The following NTRK3 variants were observed in gnomAD, a reference collection of about 807,000 sequenced individuals.
NTRK3 encodes neurotrophic receptor tyrosine kinase 3.
Under a neutral mutation model 91.7 loss-of-function variants are expected in NTRK3, and 24 were observed. The observed-to-expected ratio is 0.26, with a 90% CI of 0.19 to 0.37. The LOEUF (loss-of-function observed/expected upper bound fraction) is 0.37, where lower values mean the gene tolerates loss of function less well. Among genes scored for constraint, NTRK3 ranks in the 10% least tolerant of loss-of-function variants. The pLI, the probability that NTRK3 is intolerant of heterozygous loss-of-function variation, is 1.00. For synonymous variants in NTRK3, 483 were observed against 404.0 expected (o/e 1.20, Z -2.34); for missense variants, 880 against 1,068.9 (o/e 0.82, Z 2.46).
intron 13 of NTRK3, among the ~76,000 whole-genome samples, chr15:88,122,198 G>A (rs1225333420): frequency 6.6e-6 from 1 of 152,204 alleles, no homozygotes; most frequent in Admixed American, 6.5e-5. Flanking sequence ...ATGTCTGTGT[G>A]TCTACATATG....
chr15:88,005,346 T>G (rs2141679290), intron 14 of NTRK3, among the ~76,000 whole-genome samples: 1 of 152,310 alleles, frequency 6.6e-6, no homozygotes, highest in African/African-American at 2.4e-5. Flanking sequence ...CTAGGATGCC[T>G]GTGTTAAGAC....
At chr15:88,200,948 G>A (rs936186247) in intron 3 of NTRK3, among the ~76,000 whole-genome samples, 2 of 152,154 alleles carry the variant, frequency 1.3e-5, no homozygotes, top group Non-Finnish European at 2.9e-5. Context: ...ACAATGCAGC[G>A]AGCACACCAT....
Position 88,135,059 on chromosome 15 carries a change from G to A in NTRK3, c.1204+42C>T, listed in dbSNP as rs1051599528. On this transcript the variant is annotated intron_variant, in intron 10 of 18. Coordinates refer to ENST00000394480, the Ensembl canonical transcript of NTRK3. ...CCATGCCCCATCTCCCAAGCTTGTA[G>A]AAAGAATCCATACACCTCCGATCCA... 3 of 1,610,566 alleles carry A rather than the reference G, an allele frequency of 1.9e-6. No individual in the cohort carries two copies. The East Asian group carries it at 6.7e-5, about 36-fold the overall frequency.
chr15:88,225,538 G>A (rs1480293807), intron 3 of NTRK3, among the ~76,000 whole-genome samples: 2 of 152,162 alleles, frequency 1.3e-5, no homozygotes, highest in Non-Finnish European at 2.9e-5. Flanking sequence ...AAGAGTCCAG[G>A]AGATGAAGAA....
At chr15:88,049,929 C>A (rs1214470117) in intron 13 of NTRK3, among the ~76,000 whole-genome samples, 1 of 152,214 alleles carries the variant, frequency 6.6e-6, no homozygotes, top group Non-Finnish European at 1.5e-5. Flanking sequence ...TTGCTAGGCA[C>A]ACACTTGGCA....
rs146994993 is a variant in NTRK3, at chr15:87,997,114, T to A, written c.1585+35743A>T. Among the ~76,000 whole-genome samples, 29 of 152,338 alleles carry A rather than the reference T, an allele frequency of 1.9e-4. No homozygotes were observed. In the East Asian group the frequency reaches 5.0e-3, roughly 26 times the overall value. On this transcript the variant is annotated intron_variant, in intron 14 of 18. Transcript: ENST00000394480. ...AGTTCTGCCATTAGGCAGATGTGGATCAGGCACCAGTAACCTCCTGAGCTC... is the reference window on the plus strand; with the variant it reads ...AGTTCTGCCATTAGGCAGATGTGGAACAGGCACCAGTAACCTCCTGAGCTC...
intron 17 of NTRK3, chr15:87,916,551 C>A (rs1255656975): frequency 1.0e-5 from 7 of 702,330 alleles, no homozygotes; most frequent in South Asian, 7.4e-5. Flanking sequence ...AGTCCTCATG[C>A]CTGCACAACC....
chr15:87,901,428 C>T (rs1001909558), intron 17 of NTRK3, among the ~76,000 whole-genome samples: 4 of 152,160 alleles, frequency 2.6e-5, no homozygotes, highest in African/African-American at 9.7e-5. Context: ...CTAGTGGGTC[C>T]CCAAAAGGTC....
chr15:88,089,001 G>A (rs999110034), intron 13 of NTRK3, among the ~76,000 whole-genome samples: 2 of 152,142 alleles, frequency 1.3e-5, no homozygotes, highest in Non-Finnish European at 2.9e-5. Context: ...TCCTGACACA[G>A]AGCTGATTAA....
chr15:88,224,162 C>T (rs1200113281), intron 3 of NTRK3, among the ~76,000 whole-genome samples: 2 of 152,156 alleles, frequency 1.3e-5, no homozygotes, highest in African/African-American at 4.8e-5. Flanking sequence ...TGTCAGAAGG[C>T]CCCTTTGTGA....
intron 5 of NTRK3, among the ~76,000 whole-genome samples, chr15:88,180,659 A>G (rs2151586416): frequency 6.6e-6 from 1 of 151,342 alleles, no homozygotes; most frequent in East Asian, 1.9e-4. Context: ...GGAAAGAAGA[A>G]AAGACTTCTC....
chr15:87,885,328 C>A (rs918998258), intron 17 of NTRK3, among the ~76,000 whole-genome samples: 4 of 151,840 alleles, frequency 2.6e-5, no homozygotes, highest in African/African-American at 9.7e-5. Context: ...TTCATTTCTT[C>A]TTTAGATTAA....
At chr15:87,942,291 G>A (rs577681507) in intron 14 of NTRK3, among the ~76,000 whole-genome samples, 1 of 152,356 alleles carries the variant, frequency 6.6e-6, no homozygotes, top group Admixed American at 6.5e-5. Context: ...AGGCTGCAAT[G>A]CGGCTGCTAC....
chr15:88,004,523 G>A (rs1596638597), intron 14 of NTRK3, among the ~76,000 whole-genome samples: 1 of 152,232 alleles, frequency 6.6e-6, no homozygotes, highest in East Asian at 1.9e-4. Context: ...TGCTACTCGG[G>A]CCAAAAATAC....
chr15:88,178,951 G>A lies in NTRK3; in HGVS notation c.395+4467C>T, dbSNP rs187801350. ...CAGAGAGAAAAAACGCTCCTGGGAC[G>A]TAAAAAAGTACACGGACTTCAGATT... On this transcript the variant is annotated intron_variant, in intron 5 of 18. Coordinates refer to ENST00000394480, the Ensembl canonical transcript of NTRK3. 5.9e-5 allele frequency among the ~76,000 whole-genome samples: 9 copies of A among 152,316 alleles called. No homozygotes were observed. In the East Asian group the frequency reaches 7.7e-4, roughly 13 times the overall value.
At chr15:88,230,196 G>A (rs2051058957) in intron 3 of NTRK3, among the ~76,000 whole-genome samples, 1 of 152,094 alleles carries the variant, frequency 6.6e-6, no homozygotes. Flanking sequence ...TGAATGAAAA[G>A]TGCTCAGCAC....
At chr15:88,026,413 T>C (rs1366679956) in intron 14 of NTRK3, among the ~76,000 whole-genome samples, 1 of 152,104 alleles carries the variant, frequency 6.6e-6, no homozygotes, top group African/African-American at 2.4e-5. Context: ...ATTCCAACAA[T>C]ATGACATGTG....
At chr15:87,908,616 T>TGAAGGGAGAG (rs2141714594) in intron 17 of NTRK3, 1 of 399,064 alleles carries the variant, frequency 2.5e-6, no homozygotes, top group East Asian at 3.6e-5. Flanking sequence ...AGAAAAGGGA[T>TGAAGGGAGAG]GAAGGGAGAG....
intron 13 of NTRK3, among the ~76,000 whole-genome samples, chr15:88,095,014 T>C (rs1316752640): frequency 1.3e-5 from 2 of 152,234 alleles, no homozygotes; most frequent in African/African-American, 4.8e-5. Context: ...CCAATACCCA[T>C]TACCTGGGAG....
Sources: gnomAD v4.1 joint callset for allele counts (sites outside exome capture counted in the v4.1 genomes callset) on GRCh38, gnomAD v4.1.1 for gene constraint, MANE v1.5 for transcripts, NCBI Gene and HGNC (gene_info 2026-07-23, HGNC 2026-07-21) for gene names.